The following SKAP1 variants were observed in gnomAD, a reference collection of about 807,000 sequenced individuals.
The protein encoded by SKAP1 is src kinase-associated phosphoprotein 1.
SKAP1 carries 44 observed loss-of-function variants against 58.5 expected under a neutral mutation model. That is an observed-to-expected ratio of 0.75 (90% CI 0.59 to 0.97). The LOEUF (loss-of-function observed/expected upper bound fraction) is 0.97, where lower values mean the gene tolerates loss of function less well. Among genes scored for constraint, SKAP1 ranks in the 50% least tolerant of loss-of-function variants. The probability of loss-of-function intolerance (pLI) is 0.00; values close to 1 mark genes in which losing one functional copy is unlikely to be tolerated. For synonymous variants in SKAP1, 127 were observed against 149.7 expected (o/e 0.85, Z 1.11); for missense variants, 390 against 435.2 (o/e 0.90, Z 0.92).
rs16956275 is a variant in SKAP1, at chr17:48,394,875, C to T, written c.152+1805G>A. ...CAAACAGCTTGCCAAAGGAAAGCCT[C>T]GTTTTTCTATTTTCTTGTACAGTAT... On this transcript the variant is annotated intron_variant, in intron 2 of 12. Transcript: ENST00000336915. 7.5e-3 allele frequency among the ~76,000 whole-genome samples: 1,144 copies of T among 152,226 alleles called. 75 individuals are homozygous for T. The East Asian group carries it at 0.16, about 22-fold the overall frequency.
intron 6 of SKAP1, among the ~76,000 whole-genome samples, chr17:48,185,353 A>G: frequency 6.6e-6 from 1 of 152,184 alleles, no homozygotes; most frequent in Admixed American, 6.5e-5. Context: ...GTGGGAATTT[A>G]TGCCAGAGGG....
chr17:48,433,765 C>T (rs976025407), upstream of SKAP1, among the ~76,000 whole-genome samples: 1 of 152,200 alleles, frequency 6.6e-6, no homozygotes, highest in Non-Finnish European at 1.5e-5. Flanking sequence ...CCACCGGGAC[C>T]CTTCACGCAC....
chr17:48,316,635 T>G lies in SKAP1; in HGVS notation c.280+29270A>C, dbSNP rs2066292048. ...AAGGGTTTTGTCAACTTCGTCTCTG[T>G]GTCCCCAGTACTAGTCTAAGGTCGT... On this transcript the variant is annotated intron_variant, in intron 4 of 12. Coordinates refer to ENST00000336915, the MANE Select transcript of SKAP1 (RefSeq NM_003726.4). Among the ~76,000 whole-genome samples the G allele has an allele frequency of 2.6e-5, 4 of 152,362 alleles. No individual in the cohort carries two copies. In the South Asian group the frequency reaches 8.3e-4, roughly 32 times the overall value.
intron 4 of SKAP1, among the ~76,000 whole-genome samples, chr17:48,247,875 G>A (rs2065314542): frequency 6.6e-6 from 1 of 152,066 alleles, no homozygotes; most frequent in South Asian, 2.1e-4. Flanking sequence ...ACAATGACCT[G>A]CTTATTTTCT....
At chr17:48,278,699 A>G (rs1007799847) in intron 4 of SKAP1, among the ~76,000 whole-genome samples, 6 of 152,214 alleles carry the variant, frequency 3.9e-5, no homozygotes, top group African/African-American at 1.4e-4. Flanking sequence ...AAGAATTGAT[A>G]GCATCTGGTG....
intron 2 of SKAP1, among the ~76,000 whole-genome samples, chr17:48,371,706 G>A (rs2067089216): frequency 7.4e-6 from 1 of 135,366 alleles, no homozygotes. Flanking sequence ...GGTGGTGCAT[G>A]CATGCCTGTA....
At chr17:48,242,336 C>T (rs1301949633) in intron 4 of SKAP1, among the ~76,000 whole-genome samples, 4 of 152,162 alleles carry the variant, frequency 2.6e-5, no homozygotes, top group Admixed American at 6.5e-5. Flanking sequence ...ATGGACTCCC[C>T]AGCACATGGG....
intron 2 of SKAP1, among the ~76,000 whole-genome samples, chr17:48,381,706 T>C (rs1033311683): frequency 6.6e-6 from 1 of 152,240 alleles, no homozygotes; most frequent in Admixed American, 6.5e-5. Context: ...TTGTTGGCTA[T>C]CCACTATGTG....
chr17:48,329,530 C>A (rs772607978), intron 4 of SKAP1, among the ~76,000 whole-genome samples: 14 of 152,110 alleles, frequency 9.2e-5, no homozygotes, highest in Non-Finnish European at 1.9e-4. Flanking sequence ...CATGGTGAAA[C>A]CCTGTCTCTA....
intron 4 of SKAP1, among the ~76,000 whole-genome samples, chr17:48,287,787 G>T (rs925301440): frequency 6.6e-6 from 1 of 152,182 alleles, no homozygotes; most frequent in Non-Finnish European, 1.5e-5. Context: ...TCATATACCA[G>T]CTTGCTTATC....
intron 4 of SKAP1, among the ~76,000 whole-genome samples, chr17:48,245,196 T>C (rs2065282352): frequency 6.6e-6 from 1 of 152,202 alleles, no homozygotes; most frequent in African/African-American, 2.4e-5. Flanking sequence ...CTCCTTGACT[T>C]GGCTGGAGCA....
intron 4 of SKAP1, among the ~76,000 whole-genome samples, chr17:48,314,683 C>T (rs1315646859): frequency 6.6e-6 from 1 of 152,028 alleles, no homozygotes; most frequent in African/African-American, 2.4e-5. Context: ...CAATGTTGGG[C>T]CATTAGGTAG....
chr17:48,317,133 A>G (rs1301797798), intron 4 of SKAP1, among the ~76,000 whole-genome samples: 1 of 152,196 alleles, frequency 6.6e-6, no homozygotes, highest in Non-Finnish European at 1.5e-5. Flanking sequence ...CCTTGACTCT[A>G]TGCTCAGACG....
chr17:48,182,571 G>A, intron 7 of SKAP1, 114 bp from the exon 8 acceptor site: 1 of 701,376 alleles, frequency 1.4e-6, no homozygotes, highest in Non-Finnish European at 2.4e-6. Context: ...TTAAAGCTCA[G>A]GATTCTCTGC....
intron 2 of SKAP1, among the ~76,000 whole-genome samples, chr17:48,378,033 T>A (rs767646615): frequency 3.3e-5 from 5 of 152,180 alleles, no homozygotes; most frequent in Non-Finnish European, 7.3e-5. Context: ...CCTCTTTTTC[T>A]ATTACTATAT....
chr17:48,210,774 C>A (rs1213101693), intron 4 of SKAP1, among the ~76,000 whole-genome samples: 1 of 152,160 alleles, frequency 6.6e-6, no homozygotes, highest in Non-Finnish European at 1.5e-5. Flanking sequence ...TGGCTTTAAT[C>A]GTTTCCATGG....
chr17:48,342,541 C>A (rs1454110088), intron 4 of SKAP1, among the ~76,000 whole-genome samples: 1 of 152,038 alleles, frequency 6.6e-6, no homozygotes, highest in African/African-American at 2.4e-5. Flanking sequence ...ACACAATATG[C>A]AGCATGGTTA....
At chr17:48,240,879 T>C (rs1385583652) in intron 4 of SKAP1, among the ~76,000 whole-genome samples, 1 of 152,206 alleles carries the variant, frequency 6.6e-6, no homozygotes, top group African/African-American at 2.4e-5. Context: ...CTTTGAAGAC[T>C]TGGGTCAGGT....
intron 9 of SKAP1, among the ~76,000 whole-genome samples, chr17:48,177,224 C>T (rs866609251): frequency 6.6e-6 from 1 of 152,168 alleles, no homozygotes; most frequent in Non-Finnish European, 1.5e-5. Flanking sequence ...ACTGGACTGT[C>T]TCAGGTCTGG....
Sources: gnomAD v4.1 joint callset for allele counts (sites outside exome capture counted in the v4.1 genomes callset) on GRCh38, gnomAD v4.1.1 for gene constraint, MANE v1.5 for transcripts, NCBI Gene and HGNC (gene_info 2026-07-23, HGNC 2026-07-21) for gene names.